PLCH1: variants seen among roughly 807,000 people sequenced by gnomAD.
PLCH1 encodes phospholipase C eta 1, also known as 1-phosphatidylinositol 4,5-bisphosphate phosphodiesterase eta-1.
Under a neutral mutation model 126.7 loss-of-function variants are expected in PLCH1, and 60 were observed. The observed-to-expected ratio is 0.47, with a 90% CI of 0.38 to 0.59. PLCH1 has a LOEUF of 0.59. PLCH1 is among the 20% of genes least tolerant of loss of function. PLCH1 has a pLI of 0.00. For missense variants in PLCH1, 1,723 were observed against 2,040.0 expected (o/e 0.84, Z 2.99); for synonymous variants, 719 against 734.9 (o/e 0.98, Z 0.35).
chr3:155,627,337 C>G (rs1737431441), intron 2 of PLCH1, among the ~76,000 whole-genome samples: 1 of 152,094 alleles, frequency 6.6e-6, no homozygotes, highest in South Asian at 2.1e-4. Context: ...GGTTTAAAAA[C>G]AAATTGAAGT....
chr3:155,699,922 A>G (rs556767557), intron 2 of PLCH1, among the ~76,000 whole-genome samples: 2 of 152,132 alleles, frequency 1.3e-5, no homozygotes, highest in Non-Finnish European at 2.9e-5. Flanking sequence ...TTACAGTCCA[A>G]AAAGAAATCT....
Position 155,482,371 on chromosome 3 carries a change from A to T in PLCH1, c.3655T>A (p.Cys1219Ser), listed in dbSNP as rs771028737. Residue 1219 changes from cysteine (C) to serine (S), a missense_variant, in exon 23 of 23, where the codon TGT (cysteine) becomes AGT (serine). This residue lies in a region of PLCH1 where 947 missense variants were observed against 977.1 expected (regional missense o/e 0.97). Coordinates refer to ENST00000460012, the MANE Select transcript of PLCH1 (RefSeq NM_014996.4). ...LHNTSVMSGH[C>S]PLPSLGLKMP... is the part of the protein sequence containing the mutation. The stretch of plus-strand genomic sequence containing the variant: ...TTTAGGCCCAGGCTAGGCAAGGGAC[A>T]ATGGCCTGACATCACACTGGTATTA... The T allele has an allele frequency of 4.3e-5, 70 of 1,614,004 alleles. No individual in the cohort carries two copies. The South Asian group carries it at 5.9e-4, about 14-fold the overall frequency.
chr3:155,625,810 A>G (rs1282479918), intron 2 of PLCH1, among the ~76,000 whole-genome samples: 1 of 152,238 alleles, frequency 6.6e-6, no homozygotes, highest in African/African-American at 2.4e-5. Flanking sequence ...CCATTGTGGA[A>G]GACAGTGTGG....
At chr3:155,596,690 G>A (rs1483622056) in intron 2 of PLCH1, among the ~76,000 whole-genome samples, 1 of 151,584 alleles carries the variant, frequency 6.6e-6, no homozygotes, top group African/African-American at 2.4e-5. Context: ...TTGGATTTAT[G>A]TTCTTAAAGT....
intron 2 of PLCH1, among the ~76,000 whole-genome samples, chr3:155,659,302 CTTTTTTTTTTTTTTTTTTTTTTT>C (rs753258422): frequency 2.4e-3 from 75 of 30,850 alleles, no homozygotes; most frequent in Middle Eastern, 0.028. Context: ...CTATTCACTT[CTTTTTTTTTTTTTTTTTTTTTTT>C]TTTTTTTTTT....
At chr3:155,526,642 G>C (rs111922079) in intron 10 of PLCH1, among the ~76,000 whole-genome samples, 2 of 151,998 alleles carry the variant, frequency 1.3e-5, no homozygotes, top group Admixed American at 1.3e-4. Flanking sequence ...ACCACTAAAG[G>C]AATCTCGGAA....
intron 2 of PLCH1, among the ~76,000 whole-genome samples, chr3:155,633,499 G>A (rs1738322084): frequency 1.3e-5 from 2 of 151,902 alleles, no homozygotes; most frequent in African/African-American, 4.8e-5. Flanking sequence ...CTGCTGGAAT[G>A]TAAGTTCCAT....
intron 2 of PLCH1, among the ~76,000 whole-genome samples, chr3:155,621,439 A>G (rs1736481111): frequency 6.6e-6 from 1 of 152,310 alleles, no homozygotes; most frequent in East Asian, 1.9e-4. Flanking sequence ...TAGGCTTCAG[A>G]AGGTGAGTAA....
Position 155,481,371 on chromosome 3 carries a change from A to G in PLCH1, c.4655T>C (p.Val1552Ala). Residue 1552 changes from valine to alanine, a missense_variant, in exon 23 of 23, where the codon GTG (valine) becomes GCG (alanine). Transcript: ENST00000460012. The surrounding 1 kb of genome is among the most constrained non-coding windows in gnomAD (Gnocchi z 4.2). The part of the protein sequence containing the change: ...VSFDQEDNCQ[V>A]LYSKQDANQL... Reference sequence around the variant, plus strand: ...ATTGGCATCCTGCTTTGAATATAGCACTTGGCAGTTGTCTTCCTGGTCAAA... The same window carrying G: ...ATTGGCATCCTGCTTTGAATATAGCGCTTGGCAGTTGTCTTCCTGGTCAAA... 6.8e-6 allele frequency: 11 copies of G among 1,614,222 alleles called. No homozygotes were observed. The highest frequency in any genetic ancestry group is 8.5e-6 in the Non-Finnish European group (10 of 1,180,036).
rs143577811 is a variant in PLCH1 at position 155,594,262 on chromosome 3, C to T, written c.227-78G>A. Reference sequence around the variant, plus strand: ...TACATGCACTAAGAAACAAGAAAAGCAAAATCATTTTAAATATTAAAAATA... The same window carrying T: ...TACATGCACTAAGAAACAAGAAAAGTAAAATCATTTTAAATATTAAAAATA... On this transcript the variant is annotated intron_variant, in intron 3 of 22. Coordinates refer to ENST00000460012, the MANE Select transcript of PLCH1 (RefSeq NM_014996.4). The T allele has an allele frequency of 5.8e-4, 785 of 1,344,362 alleles. 6 individuals carry two copies. The African/African-American group carries it at 1.0e-2, about 17-fold the overall frequency. The allele number at this position is 1,344,362 out of a possible 1,614,324, so 83.3% of individuals were successfully genotyped here.
chr3:155,743,581 C>A (rs1165648647), intron 1 of PLCH1: 1 of 451,124 alleles, frequency 2.2e-6, no homozygotes, highest in Admixed American at 2.5e-5. Context: ...AAACTGGCTT[C>A]TGTTAAGGCT....
chr3:155,686,321 C>T (rs561941495), intron 2 of PLCH1, among the ~76,000 whole-genome samples: 104 of 152,268 alleles, frequency 6.8e-4, no homozygotes, highest in African/African-American at 2.4e-3. Flanking sequence ...AACTGTAGAT[C>T]CCCAGCATAG....
chr3:155,584,916 G>A (rs986758820), intron 5 of PLCH1, among the ~76,000 whole-genome samples: 1 of 152,044 alleles, frequency 6.6e-6, no homozygotes, highest in Non-Finnish European at 1.5e-5. Context: ...CAGCTCCTGT[G>A]CAAATGAACA....
At chr3:155,456,223 A>G (rs1416103576) in intron 21 of PLCH1, among the ~76,000 whole-genome samples, 2 of 151,986 alleles carry the variant, frequency 1.3e-5, no homozygotes, top group Non-Finnish European at 2.9e-5. Context: ...TCTTCTGATC[A>G]TCATTTAAAT....
chr3:155,476,843 T>C (rs1245729176), downstream of PLCH1, among the ~76,000 whole-genome samples: 2 of 152,164 alleles, frequency 1.3e-5, no homozygotes, highest in Non-Finnish European at 2.9e-5. Context: ...ATCTACAGAT[T>C]CGATGCAATC....
At chr3:155,542,201 C>G (rs542916503) in intron 10 of PLCH1, among the ~76,000 whole-genome samples, 2 of 152,190 alleles carry the variant, frequency 1.3e-5, no homozygotes, top group African/African-American at 4.8e-5. Context: ...GCTTTTCCGA[C>G]GGGCTTAAAA....
intron 2 of PLCH1, among the ~76,000 whole-genome samples, chr3:155,697,215 G>C (rs1031666398): frequency 9.9e-5 from 15 of 152,082 alleles, no homozygotes; most frequent in Admixed American, 3.3e-4. Context: ...GCTACATAAT[G>C]CTGCAAAAAG....
intron 2 of PLCH1, among the ~76,000 whole-genome samples, chr3:155,647,625 G>T (rs1311911070): frequency 3.3e-5 from 5 of 152,198 alleles, no homozygotes; most frequent in Non-Finnish European, 7.4e-5. Flanking sequence ...TATGAAAAAG[G>T]TTTTAACTTA....
chr3:155,451,787 CT>C (rs1449925093), intron 21 of PLCH1, among the ~76,000 whole-genome samples: 2 of 152,150 alleles, frequency 1.3e-5, no homozygotes, highest in Non-Finnish European at 2.9e-5. Context: ...AAGTCTTCTG[CT>C]TTTGGGCCTA....
Sources: gnomAD v4.1 joint callset for allele counts (sites outside exome capture counted in the v4.1 genomes callset) on GRCh38, gnomAD v4.1.1 for gene constraint, gnomAD v4.1.1 regional missense constraint, Gnocchi (gnomAD v3.1) non-coding constraint, MANE v1.5 for transcripts, NCBI Gene and HGNC (gene_info 2026-07-23, HGNC 2026-07-21) for gene names.